Variants in IL31RA observed in about 807,000 individuals in gnomAD.
The protein encoded by IL31RA is interleukin-31 receptor subunit alpha.
Under a neutral mutation model 83.7 loss-of-function variants are expected in IL31RA, and 66 were observed. The ratio of observed to expected loss-of-function variants is 0.79; its 90% CI spans 0.65 to 0.97. IL31RA has a LOEUF of 0.97. IL31RA is among the 50% of genes least tolerant of loss of function. IL31RA has a pLI of 0.00. For missense variants in IL31RA, 798 were observed against 919.4 expected, an observed-to-expected ratio of 0.87 and a Z score of 1.71; for synonymous variants, 325 against 329.0, an observed-to-expected ratio of 0.99 and a Z score of 0.13.
chr5:55,883,225 A>ATTTTTTT (rs1561555087), intron 5 of IL31RA, 30 bp downstream of exon 5: 1 of 1,543,068 alleles, frequency 6.5e-7, no homozygotes, highest in African/African-American at 1.4e-5. Flanking sequence ...TAATATTCCA[A>ATTTTTTT]TTAGAGGCCC....
intron 8 of IL31RA, among the ~76,000 whole-genome samples, chr5:55,904,642 C>T (rs1276229709): frequency 6.6e-6 from 1 of 152,130 alleles, no homozygotes; most frequent in Non-Finnish European, 1.5e-5. Flanking sequence ...AGGACTAGCC[C>T]CTGGAGTGTC....
At chr5:55,906,430 C>A in intron 9 of IL31RA, 142 bp downstream of exon 9, 2 of 832,840 alleles carry the variant, frequency 2.4e-6, no homozygotes, top group South Asian at 3.0e-5. Context: ...AATGAAGTGA[C>A]ACGCTTCTTG....
At chr5:55,898,666 T>C (rs1159465456) in intron 7 of IL31RA, among the ~76,000 whole-genome samples, 1 of 29,326 alleles carries the variant, frequency 3.4e-5, no homozygotes, top group Non-Finnish European at 6.3e-5. Flanking sequence ...AACATATTAA[T>C]ATGTTTTTTA....
intron 5 of IL31RA, among the ~76,000 whole-genome samples, chr5:55,885,634 CT>C (rs2112451883): frequency 6.6e-6 from 1 of 152,316 alleles, no homozygotes; most frequent in African/African-American, 2.4e-5. Flanking sequence ...ACAAAAGCAT[CT>C]GATGTAAACA....
At position 55,920,936 on chromosome 5, in the gene IL31RA, G is replaced by C. The variant is rs1455446151; in HGVS notation, c.*3816G>C. 6.6e-6 allele frequency among the ~76,000 whole-genome samples: 1 copy of C among 152,092 alleles called. No homozygotes were observed. The highest frequency in any genetic ancestry group is 1.5e-5 in the Non-Finnish European group (1 of 68,030). On this transcript the variant is annotated 3_prime_UTR_variant, in exon 15 of 15. Coordinates refer to ENST00000652347, the MANE Select transcript of IL31RA (RefSeq NM_139017.7). ...GTGATGCCTGGAGATATTTTTGATT[G>C]TCACGACTGGGAAGGTGCTACTGGC...
At chr5:55,910,184 T>A (rs1749416388) in intron 11 of IL31RA, among the ~76,000 whole-genome samples, 1 of 152,252 alleles carries the variant, frequency 6.6e-6, no homozygotes, top group African/African-American at 2.4e-5. Context: ...CTTTTCATTC[T>A]TGATATTATC....
chr5:55,878,431 T>C (rs966195021), intron 4 of IL31RA, among the ~76,000 whole-genome samples: 38 of 152,226 alleles, frequency 2.5e-4, no homozygotes, highest in Non-Finnish European at 4.4e-5. Context: ...ATTTTTGTTG[T>C]TGTTGTTAAA....
At chr5:55,883,292 A>C (rs1007239048) in intron 5 of IL31RA, 97 bp downstream of exon 5, 1 of 1,135,128 alleles carries the variant, frequency 8.8e-7, no homozygotes, top group African/African-American at 1.6e-5. Flanking sequence ...TTCACTTTTT[A>C]CATTAAAAAT....
chr5:55,910,751 C>A (rs965105570), intron 12 of IL31RA, 79 bp downstream of exon 12: 31 of 1,522,156 alleles, frequency 2.0e-5, no homozygotes, highest in Middle Eastern at 3.4e-4. Context: ...CTGCCAAAAG[C>A]TGGAGGAAGC....
intron 11 of IL31RA, among the ~76,000 whole-genome samples, chr5:55,910,144 G>A (rs1236835266): frequency 1.3e-5 from 2 of 152,080 alleles, no homozygotes; most frequent in African/African-American, 2.4e-5. Context: ...TATATGATTT[G>A]TAAATATTTT....
intron 13 of IL31RA, among the ~76,000 whole-genome samples, chr5:55,914,086 T>TG (rs1749652516): frequency 6.6e-6 from 1 of 152,208 alleles, no homozygotes; most frequent in South Asian, 2.1e-4. Flanking sequence ...CTGGCCACTG[T>TG]GGGGAAGAAA....
In IL31RA at chr5:55,908,307, T is replaced by G. The variant is rs956348929; in HGVS notation, c.1397T>G (p.Val466Gly). The G allele has an allele frequency of 1.9e-6, 3 of 1,614,172 alleles. No individual in the cohort carries two copies. Among genetic ancestry groups the G allele is most frequent in the Non-Finnish European group, 2.5e-6 (3 of 1,180,036 alleles). The stretch of plus-strand genomic sequence containing the variant: ...GAGACCAAGGTGGAGAACATTGGCG[T>G]GAAGACGGTCACGATCACATGGAAA... ...GPETKVENIG[V>G]KTVTITWKEI... The change falls in exon 11 of 15, where the codon GTG (valine) becomes GGG (glycine). Residue 466 changes from valine (V) to glycine (G), a missense_variant. Physicochemically the swap from Val to Gly is moderately radical, Grantham distance 109. Coordinates refer to ENST00000652347, the MANE Select transcript of IL31RA (RefSeq NM_139017.7).
chr5:55,902,178 C>T (rs1263189608), intron 8 of IL31RA: 1 of 152,126 alleles, frequency 6.6e-6, no homozygotes, highest in East Asian at 1.9e-4. Context: ...CACATATTTG[C>T]TCACATATTA....
chr5:55,869,009 C>T (rs1047532025), intron 3 of IL31RA, 101 bp downstream of exon 3: 5 of 782,210 alleles, frequency 6.4e-6, no homozygotes, highest in Non-Finnish European at 1.2e-5. Context: ...AAAGTTTCCT[C>T]AATGACAGCT....
At chr5:55,844,806 G>GT in the IL31RA span, among the ~76,000 whole-genome samples, 1 of 151,788 alleles carries the variant, frequency 6.6e-6, no homozygotes, top group Non-Finnish European at 1.5e-5. Context: ...TTTATTTTTA[G>GT]TTTTTTTCTC....
intron 12 of IL31RA, among the ~76,000 whole-genome samples, chr5:55,912,712 A>G (rs1410106373): frequency 6.6e-6 from 1 of 152,122 alleles, no homozygotes; most frequent in East Asian, 1.9e-4. Context: ...CAGGAGAATC[A>G]CTTGAACCCA....
intron 5 of IL31RA, among the ~76,000 whole-genome samples, chr5:55,884,037 T>A (rs1445409589): frequency 6.6e-6 from 1 of 152,192 alleles, no homozygotes; most frequent in Non-Finnish European, 1.5e-5. Flanking sequence ...TTTAATGAAG[T>A]TACACACCTT....
At chr5:55,882,473 A>G (rs1747300191) in intron 4 of IL31RA, among the ~76,000 whole-genome samples, 1 of 152,226 alleles carries the variant, frequency 6.6e-6, no homozygotes, top group African/African-American at 2.4e-5. Flanking sequence ...AAATGGTAAT[A>G]AGGGTTATCT....
intron 6 of IL31RA, among the ~76,000 whole-genome samples, chr5:55,892,961 AT>A (rs1363394949): frequency 2.6e-5 from 4 of 152,244 alleles, no homozygotes; most frequent in Middle Eastern, 3.4e-3. Context: ...GCCAATCCTC[AT>A]TTCTTGTTTT....
Sources: allele counts gnomAD v4.1 joint callset (sites outside exome capture counted in the v4.1 genomes callset), GRCh38; gene constraint gnomAD v4.1.1; transcripts MANE v1.5; gene names NCBI Gene and HGNC (gene_info 2026-07-23, HGNC 2026-07-21).